ARAP3: variants seen among roughly 807,000 people sequenced by gnomAD.
The protein encoded by ARAP3 is ArfGAP with RhoGAP domain, ankyrin repeat and PH domain 3.
ARAP3 carries 82 observed loss-of-function variants against 169.2 expected under a neutral mutation model. The observed-to-expected ratio is 0.48, with a 90% CI of 0.41 to 0.58. The LOEUF (loss-of-function observed/expected upper bound fraction) is 0.58. Ranked by LOEUF, ARAP3 falls within the 20% of genes least tolerant of loss-of-function variation. ARAP3 has a pLI of 0.00. For missense variants in ARAP3, 1,764 were observed against 2,018.0 expected, an observed-to-expected ratio of 0.87 and a Z score of 2.41; for synonymous variants, 791 against 800.3, an observed-to-expected ratio of 0.99 and a Z score of 0.20.
At chr5:141,668,665 G>A (rs538429506) in intron 16 of ARAP3, among the ~76,000 whole-genome samples, 2 of 152,322 alleles carry the variant, frequency 1.3e-5, no homozygotes, top group East Asian at 1.9e-4. Flanking sequence ...AAAAGATATG[G>A]AGACAATGTG....
At chr5:141,679,514 C>G in intron 4 of ARAP3, 31 bp downstream of exon 4, 1 of 1,602,492 alleles carries the variant, frequency 6.2e-7, no homozygotes, top group Non-Finnish European at 8.5e-7. Flanking sequence ...ACCTGCTCCT[C>G]CCTCCCACCA....
chr5:141,672,179 T>A lies in ARAP3; in HGVS notation c.1508A>T (p.Gln503Leu), dbSNP rs760377552. The part of the protein sequence containing the change: ...EKIWSNRANR[Q>L]CADCGSSRPD... ...GCGGGAGGACCCACAGTCCGCACAC[T>A]GCCGGTTGGCCCGATTAGACCAGAT... The change falls in exon 10 of 33, where the codon CAG becomes CTG. Residue 503 changes from glutamine (Q) to leucine (L), a missense_variant. Around this residue, in one of 3 missense-constraint regions of ARAP3, gnomAD observed 630 missense variants for 678.7 expected, o/e 0.93. Transcript: ENST00000239440. The surrounding 1 kb of genome is among the most constrained non-coding windows in gnomAD (Gnocchi z 4.9). 2.5e-6 allele frequency: 4 copies of A among 1,614,150 alleles called. No homozygotes were observed. The highest frequency in any genetic ancestry group is 3.4e-6 in the Non-Finnish European group (4 of 1,180,016).
chr5:141,670,064 C>G lies in ARAP3; in HGVS notation c.2108-1G>C. On this transcript the variant is annotated splice_acceptor_variant, in intron 14 of 32. Coordinates refer to ENST00000239440, the MANE Select transcript of ARAP3 (RefSeq NM_022481.6). LOFTEE classifies it high-confidence loss of function. The stretch of plus-strand genomic sequence containing the variant: ...AGCACACACCAAAGGCGCGGGGGAG[C>G]TAAGGCAGAGGGAGATAGTCAGGGA... 6.3e-7 allele frequency: 1 copy of G among 1,587,444 alleles called. No homozygotes were observed. Among genetic ancestry groups the G allele is most frequent in the Non-Finnish European group, 8.5e-7 (1 of 1,173,504 alleles).
intron 1 of ARAP3, chr5:141,680,850 G>A (rs1009553233): frequency 1.5e-5 from 4 of 274,082 alleles, no homozygotes; most frequent in Middle Eastern, 1.1e-3. Flanking sequence ...GAGTAAGCAT[G>A]GGACAAGATG....
Position 141,664,907 on chromosome 5 carries a change from C to A in ARAP3, c.2800+15G>T. Reference sequence around the variant, plus strand: ...CCCACCCCCATTGGCTCAGTACCAGCCAGTGCCTACTCACCATGCTGGGTA... The same window carrying A: ...CCCACCCCCATTGGCTCAGTACCAGACAGTGCCTACTCACCATGCTGGGTA... On this transcript the variant is annotated intron_variant, in intron 19 of 32. Coordinates refer to ENST00000239440, the MANE Select transcript of ARAP3 (RefSeq NM_022481.6). The A allele has an allele frequency of 8.8e-7, 1 of 1,134,080 alleles. No homozygotes were observed. The highest frequency in any genetic ancestry group is 1.2e-6 in the Non-Finnish European group (1 of 820,212). The allele number at this position is 1,134,080 out of a possible 1,614,324, so 70.3% of individuals were successfully genotyped here. A position where few individuals can be genotyped will look rare whatever the true frequency, so the allele number is the denominator to read the frequency against.
Position 141,653,798 on chromosome 5 carries a change from C to CAGCCACTGAAGCCTT in ARAP3, c.*137_*151dup, listed in dbSNP as rs2099908840. 7.2e-6 allele frequency: 8 copies of CAGCCACTGAAGCCTT among 1,111,862 alleles called. No homozygotes were observed. The highest frequency in any genetic ancestry group is 9.9e-6 in the Non-Finnish European group (8 of 807,308). 68.9% of individuals were successfully genotyped at this position (1,111,862 alleles called of 1,614,324 possible). A position where few individuals can be genotyped will look rare whatever the true frequency, so the allele number is the denominator to read the frequency against. ...GGGCCATGACCTGTCCTGGGACACG[C>CAGCCACTGAAGCCTT]AGCCACTGAAGCCTTTAGTCCAGTG... is the stretch of plus-strand genomic sequence containing the variant. On this transcript the variant is annotated 3_prime_UTR_variant, in exon 33 of 33. Transcript: ENST00000239440.
chr5:141,673,138 A>G lies in ARAP3; in HGVS notation c.973-5T>C. ...CACACCCTTAGGGAAGGGGTCCTGG[A>G]GAGAGAGAGCTCAATGACCCATGAG... On this transcript the variant is annotated splice_polypyrimidine_tract_variant and splice_region_variant and intron_variant, in intron 6 of 32. Transcript: ENST00000239440. 6.2e-7 allele frequency: 1 copy of G among 1,614,098 alleles called. No individual in the cohort carries two copies. Among genetic ancestry groups the G allele is most frequent in the East Asian group, 2.2e-5 (1 of 44,878 alleles).
chr5:141,661,635 G>T (rs746989823), intron 21 of ARAP3, 49 bp downstream of exon 21: 2 of 1,508,016 alleles, frequency 1.3e-6, no homozygotes, highest in Non-Finnish European at 1.8e-6. Context: ...AAAGTGCAGG[G>T]TCAGATTGAA....
rs1463344556 is a variant in ARAP3, at chr5:141,659,355, G to C, written c.3336+53C>G. 1.9e-6 allele frequency: 3 copies of C among 1,545,754 alleles called. No individual in the cohort carries two copies. In the African/African-American group the frequency reaches 4.1e-5, roughly 21 times the overall value. The stretch of plus-strand genomic sequence containing the variant: ...CAACTGGGCAGAAAGTCAGCTTCCT[G>C]TCCTGATGTCTCCTCCTGCCCCATT... On this transcript the variant is annotated intron_variant, in intron 23 of 32. Coordinates refer to ENST00000239440, the MANE Select transcript of ARAP3 (RefSeq NM_022481.6).
intron 22 of ARAP3, 125 bp from the exon 23 acceptor site, chr5:141,659,601 G>A (rs921730915): frequency 3.8e-6 from 5 of 1,315,536 alleles, no homozygotes; most frequent in South Asian, 1.3e-5. Flanking sequence ...AGGGGGTGAG[G>A]ATGTTGGAAG....
chr5:141,673,127 A>G lies in ARAP3; in HGVS notation c.979T>C (p.Phe327Leu), dbSNP rs2099911665. The change falls in exon 7 of 33, where the codon TTC becomes CTC. Residue 327 changes from phenylalanine to leucine, a missense_variant. Coordinates refer to ENST00000239440, the MANE Select transcript of ARAP3 (RefSeq NM_022481.6). ...GTCAAAGGTATCACACCCTTAGGGA[A>G]GGGGTCCTGGAGAGAGAGAGCTCAA... Reference protein sequence around the residue: ...LMYFGSDKDPFPKGVIPLTAI... With the variant: ...LMYFGSDKDPLPKGVIPLTAI... 2 of 1,614,186 alleles carry G rather than the reference A, an allele frequency of 1.2e-6. No individual in the cohort carries two copies. The highest frequency in any genetic ancestry group is 1.7e-6 in the Non-Finnish European group (2 of 1,180,020).
Position 141,673,147 on chromosome 5 carries a change from G to A in ARAP3, c.973-14C>T. ...AGGGAAGGGGTCCTGGAGAGAGAGA[G>A]CTCAATGACCCATGAGGACAGGAAC... On this transcript the variant is annotated splice_polypyrimidine_tract_variant and intron_variant, in intron 6 of 32. Transcript: ENST00000239440. The A allele has an allele frequency of 6.2e-7, 1 of 1,614,118 alleles. No homozygotes were observed. The highest frequency in any genetic ancestry group is 8.5e-7 in the Non-Finnish European group (1 of 1,180,008).
rs551398129 is a variant in ARAP3, at chr5:141,671,727, C to T, written c.1697G>A (p.Arg566His). The T allele has an allele frequency of 1.0e-5, 16 of 1,603,974 alleles. No homozygotes were observed. Among genetic ancestry groups the T allele is most frequent in the East Asian group, 4.5e-5 (2 of 44,822 alleles). Residue 566 changes from arginine to histidine, a missense_variant, in exon 12 of 33, where the codon CGT becomes CAT. Physicochemically the swap from Arg to His is conservative, Grantham distance 29. This residue lies in a region of ARAP3 where 1,112 missense variants were observed against 1,285.7 expected (regional missense o/e 0.86). Coordinates refer to ENST00000239440, the MANE Select transcript of ARAP3 (RefSeq NM_022481.6). This position sits in a 1 kb window ranked among gnomAD's most constrained non-coding sequence, Gnocchi z 4.9. ...VQLFIVLGNDRANRFWAGTLP... is the reference protein window; with the variant it reads ...VQLFIVLGNDHANRFWAGTLP... ...GGTCCCTGCCCAGAAGCGGTTGGCA[C>T]GATCATTTCCCAGGACAATGAATAA... is the stretch of plus-strand genomic sequence containing the variant.
At chr5:141,678,661 T>C (rs1173252647) in intron 4 of ARAP3, among the ~76,000 whole-genome samples, 1 of 152,002 alleles carries the variant, frequency 6.6e-6, no homozygotes, top group African/African-American at 2.4e-5. Context: ...CTAATTTTTG[T>C]ATTTTTAGTA....
In ARAP3 at chr5:141,673,139, G is replaced by C. The variant is rs750946647; in HGVS notation, c.973-6C>G. ...ACACCCTTAGGGAAGGGGTCCTGGA[G>C]AGAGAGAGCTCAATGACCCATGAGG... is the stretch of plus-strand genomic sequence containing the variant. On this transcript the variant is annotated splice_polypyrimidine_tract_variant and splice_region_variant and intron_variant, in intron 6 of 32. Coordinates refer to ENST00000239440, the MANE Select transcript of ARAP3 (RefSeq NM_022481.6). The C allele has an allele frequency of 8.1e-6, 13 of 1,614,036 alleles. No individual in the cohort carries two copies. Among genetic ancestry groups the C allele is most frequent in the Non-Finnish European group, 1.0e-5 (12 of 1,180,016 alleles).
In ARAP3 at chr5:141,671,099, G is replaced by A. The variant is rs74881540; in HGVS notation, c.1990+166C>T. Among the ~76,000 whole-genome samples, 1 of 152,230 alleles carries A rather than the reference G, an allele frequency of 6.6e-6. No individual in the cohort carries two copies. The highest frequency in any genetic ancestry group is 2.4e-5 in the African/African-American group (1 of 41,442). ...CCCTCCCCAGCCATGACCGTCATCA[G>A]CTATCACATGACATCAGGAGATAGG... On this transcript the variant is annotated intron_variant, in intron 13 of 32. Coordinates refer to ENST00000239440, the MANE Select transcript of ARAP3 (RefSeq NM_022481.6). This position sits in a 1 kb window ranked among gnomAD's most constrained non-coding sequence, Gnocchi z 4.9.
At position 141,672,667 on chromosome 5, in the gene ARAP3, G is replaced by T. The variant is rs751271233; in HGVS notation, c.1279-9C>A. 2 of 1,613,944 alleles carry T rather than the reference G, an allele frequency of 1.2e-6. No homozygotes were observed. The highest frequency in any genetic ancestry group is 2.2e-5 in the South Asian group (2 of 91,078). Reference sequence around the variant, plus strand: ...ATGCCCAGAGAGAAGGCCTGGTGGGGTCAGGGGGTGGGCATCATGAGGTGC... The same window carrying T: ...ATGCCCAGAGAGAAGGCCTGGTGGGTTCAGGGGGTGGGCATCATGAGGTGC... On this transcript the variant is annotated splice_polypyrimidine_tract_variant and intron_variant, in intron 8 of 32. Transcript: ENST00000239440. The surrounding 1 kb of genome is among the most constrained non-coding windows in gnomAD (Gnocchi z 4.9).
At chr5:141,659,309 A>G (rs1177341700) in intron 23 of ARAP3, 99 bp downstream of exon 23, 1 of 1,146,374 alleles carries the variant, frequency 8.7e-7, no homozygotes, top group Non-Finnish European at 1.3e-6. Flanking sequence ...AGTGTCCAGA[A>G]GGACAGGCTG....
chr5:141,661,775 T>A lies in ARAP3; in HGVS notation c.3028A>T (p.Asn1010Tyr). The change falls in exon 21 of 33, where the codon AAT becomes TAT. Residue 1010 changes from asparagine to tyrosine, a missense_variant. By Grantham distance (143) the Asn-to-Tyr change is moderately radical. Transcript: ENST00000239440. ...TCTTTATATTTCTCCAGGCGCTGAT[T>A]CTTCTGGGGCAGCTCTGGGGATGGA... ...WREAAELPQKNQRLEKYKDVI... is the reference protein window; with the variant it reads ...WREAAELPQKYQRLEKYKDVI... 2 of 1,614,208 alleles carry A rather than the reference T, an allele frequency of 1.2e-6. No homozygotes were observed. The highest frequency in any genetic ancestry group is 1.7e-6 in the Non-Finnish European group (2 of 1,180,040).
Sources: gnomAD v4.1 joint callset for allele counts (sites outside exome capture counted in the v4.1 genomes callset) on GRCh38, gnomAD v4.1.1 for gene constraint, gnomAD v4.1.1 regional missense constraint, Gnocchi (gnomAD v3.1) non-coding constraint, MANE v1.5 for transcripts, NCBI Gene and HGNC (gene_info 2026-07-23, HGNC 2026-07-21) for gene names.